The following RP1 variants were observed in gnomAD, a reference collection of about 807,000 sequenced individuals.
The protein encoded by RP1 is RP1 axonemal microtubule associated, also known as oxygen-regulated protein 1.
In RP1, 16 loss-of-function variants were observed where a neutral mutation model predicts 14.8. The ratio of observed to expected loss-of-function variants is 1.08; its 90% CI spans 0.73 to 1.65. The LOEUF is 1.65. Among genes scored for constraint, RP1 ranks in the 40% most tolerant of loss-of-function variants. The probability of loss-of-function intolerance (pLI) is 0.00; values close to 1 mark genes in which losing one functional copy is unlikely to be tolerated. For synonymous variants in RP1, 876 were observed against 883.6 expected, an observed-to-expected ratio of 0.99 and a Z score of 0.15; for missense variants, 2,631 against 2,535.0, an observed-to-expected ratio of 1.04 and a Z score of -0.81.
intron 1 of RP1, among the ~76,000 whole-genome samples, chr8:54,570,105 C>T (rs938890704): frequency 1.3e-5 from 2 of 152,130 alleles, no homozygotes; most frequent in Admixed American, 1.3e-4. Flanking sequence ...CTTTGAACGT[C>T]CCCACGCTTG....
chr8:54,730,831 G>C (rs767106701), intron 17 of RP1, among the ~76,000 whole-genome samples: 7 of 152,082 alleles, frequency 4.6e-5, no homozygotes, highest in Admixed American at 6.6e-5. Flanking sequence ...AATAAAACAA[G>C]ACTATGTTAA....
chr8:54,597,369 A>G (rs1805173241), intron 1 of RP1, among the ~76,000 whole-genome samples: 1 of 152,114 alleles, frequency 6.6e-6, no homozygotes, highest in Non-Finnish European at 1.5e-5. Flanking sequence ...TAATCAAGAC[A>G]TTTTATTATT....
chr8:54,614,401 G>A (rs550426993), upstream of RP1, among the ~76,000 whole-genome samples: 1 of 152,196 alleles, frequency 6.6e-6, no homozygotes, highest in Admixed American at 6.5e-5. Context: ...CTTATCAAAG[G>A]CGGGCCAGGG....
rs1806117644 is a variant in RP1, at chr8:54,627,911, CT to C, written c.4034del (p.Leu1345Ter). The C allele has an allele frequency of 1.9e-6, 3 of 1,614,132 alleles. No individual in the cohort carries two copies. Among genetic ancestry groups the C allele is most frequent in the Non-Finnish European group, 2.5e-6 (3 of 1,179,976 alleles). On this transcript the variant is annotated frameshift_variant, in exon 4 of 4. Transcript: ENST00000220676. LOFTEE classifies it low-confidence loss of function (END_TRUNC). ...CTGTCAATGTCTGCAATACCATTGACTTTTTAAACTCCAAAGAAAACACATA... is the reference window on the plus strand; with the variant it reads ...CTGTCAATGTCTGCAATACCATTGACTTTTAAACTCCAAAGAAAACACATA... ...VPVNVCNTID[F>X]LNSKENTYTD...
chr8:54,730,341 T>C (rs901310284), intron 17 of RP1, among the ~76,000 whole-genome samples: 2 of 152,116 alleles, frequency 1.3e-5, no homozygotes, highest in African/African-American at 4.8e-5. Context: ...TTTAGTATAT[T>C]CTCATCTGTG....
At chr8:54,583,431 T>A (rs1215922361) in intron 1 of RP1, among the ~76,000 whole-genome samples, 1 of 152,338 alleles carries the variant, frequency 6.6e-6, no homozygotes, top group East Asian at 1.9e-4. Flanking sequence ...TTTGCATTGA[T>A]GTTCATCAGG....
At chr8:54,636,794 G>A (rs1295395916) in intron 3 of RP1, among the ~76,000 whole-genome samples, 1 of 152,104 alleles carries the variant, frequency 6.6e-6, no homozygotes, top group Non-Finnish European at 1.5e-5. Context: ...TTATTCTCAT[G>A]GATGTGGTAT....
At chr8:54,694,967 A>T (rs1238159367) in intron 12 of RP1, among the ~76,000 whole-genome samples, 1 of 151,256 alleles carries the variant, frequency 6.6e-6, no homozygotes, top group Non-Finnish European at 1.5e-5. Flanking sequence ...AGTGCTATAA[A>T]TTTCCCTCTA....
exon 17 of RP1, chr8:54,726,412 A>C (rs1808654909): frequency 2.6e-6 from 4 of 1,532,546 alleles, no homozygotes; most frequent in Non-Finnish European, 3.5e-6. Flanking sequence ...TCCATGAGTC[A>C]AAAAAACAGA....
chr8:54,753,677 A>G (rs1809429391), intron 19 of RP1, among the ~76,000 whole-genome samples: 1 of 152,178 alleles, frequency 6.6e-6, no homozygotes, highest in Non-Finnish European at 1.5e-5. Context: ...ATTATGACCC[A>G]ACCATGAACT....
chr8:54,837,357 AT>A, intron 24 of RP1: 1 of 452,262 alleles, frequency 2.2e-6, no homozygotes, highest in Non-Finnish European at 3.5e-6. Context: ...AGTATTTATG[AT>A]AAAAAAGTAA....
chr8:54,720,339 T>C (rs994092766), intron 16 of RP1: 110 of 1,520,414 alleles, frequency 7.2e-5, no homozygotes, highest in Admixed American at 3.3e-4. Flanking sequence ...TGATTTTTGG[T>C]TTGCTTTATG....
At chr8:54,861,477 C>A (rs1333857935) in intron 27 of RP1, among the ~76,000 whole-genome samples, 8 of 152,188 alleles carry the variant, frequency 5.3e-5, no homozygotes, top group Admixed American at 5.2e-4. Flanking sequence ...AGTTGATTTT[C>A]ACCACTGTGT....
At chr8:54,679,725 G>A in intron 11 of RP1, 1 of 1,520,322 alleles carries the variant, frequency 6.6e-7, no homozygotes, top group Non-Finnish European at 8.8e-7. Flanking sequence ...TTTAGTAAGT[G>A]CTGTTTCTTA....
intron 18 of RP1, among the ~76,000 whole-genome samples, chr8:54,735,930 T>C (rs1479016577): frequency 2.0e-5 from 3 of 152,212 alleles, no homozygotes; most frequent in East Asian, 3.8e-4. Flanking sequence ...ATGGATGGTA[T>C]AGATTCTCAG....
At position 54,645,986 on chromosome 8, in the gene RP1, C is replaced by T. The variant is rs1036096721; in HGVS notation, c.788-2999C>T. On this transcript the variant is annotated intron_variant, in intron 3 of 22. Coordinates refer to the RP1 transcript ENST00000636932. The stretch of plus-strand genomic sequence containing the variant: ...AAAAAGGAGCTGTTTGTCCACCACC[C>T]GCATTCTTTTTTTCTCCAGTTCATC... Among the ~76,000 whole-genome samples, 7 of 152,152 alleles carry T rather than the reference C, an allele frequency of 4.6e-5. No individual in the cohort carries two copies. The South Asian group carries it at 1.2e-3, about 27-fold the overall frequency.
intron 18 of RP1, among the ~76,000 whole-genome samples, chr8:54,734,956 T>A (rs1585646612): frequency 6.6e-6 from 1 of 151,808 alleles, no homozygotes; most frequent in East Asian, 1.9e-4. Context: ...GTAGAAAAAT[T>A]TGCTTTCTTT....
intron 1 of RP1, among the ~76,000 whole-genome samples, chr8:54,573,996 G>T (rs1187875833): frequency 6.6e-6 from 1 of 152,208 alleles, no homozygotes; most frequent in African/African-American, 2.4e-5. Context: ...CATGTGTGCA[G>T]ATACTGCTCT....
intron 1 of RP1, among the ~76,000 whole-genome samples, chr8:54,596,676 T>C (rs1296367281): frequency 6.6e-6 from 1 of 152,222 alleles, no homozygotes; most frequent in Non-Finnish European, 1.5e-5. Flanking sequence ...ACAGAGCAAG[T>C]ACTCAGTAAG....
Sources: allele counts gnomAD v4.1 joint callset (sites outside exome capture counted in the v4.1 genomes callset), GRCh38; gene constraint gnomAD v4.1.1; transcripts MANE v1.5; gene names NCBI Gene and HGNC (gene_info 2026-07-23, HGNC 2026-07-21).